WLS: variants seen among roughly 807,000 people sequenced by gnomAD.
WLS encodes protein wntless homolog.
A neutral mutation model predicts 62.8 loss-of-function variants in WLS; 23 were observed. The ratio of observed to expected loss-of-function variants is 0.37; its 90% CI spans 0.26 to 0.52. The LOEUF (loss-of-function observed/expected upper bound fraction) is 0.52. Ranked by LOEUF, WLS falls within the 20% of genes least tolerant of loss-of-function variation. The probability of loss-of-function intolerance (pLI) is 0.92; values close to 1 mark genes in which losing one functional copy is unlikely to be tolerated. For synonymous variants in WLS, 246 were observed against 244.1 expected (o/e 1.01, Z -0.07); for missense variants, 615 against 697.3 (o/e 0.88, Z 1.33).
chr1:68,178,756 G>A (rs1423778060), intron 2 of WLS, among the ~76,000 whole-genome samples: 1 of 151,562 alleles, frequency 6.6e-6, no homozygotes, highest in Non-Finnish European at 1.5e-5. Context: ...AGAGGGTTAT[G>A]ATGGTTTCTG....
chr1:68,189,205 C>A (rs1202632314), intron 2 of WLS, among the ~76,000 whole-genome samples: 1 of 152,094 alleles, frequency 6.6e-6, no homozygotes, highest in African/African-American at 2.4e-5. Flanking sequence ...TACTTGTGTG[C>A]AAGTCATCCT....
At chr1:68,100,252 C>T (rs1646059619) in intron 11 of WLS, among the ~76,000 whole-genome samples, 1 of 152,162 alleles carries the variant, frequency 6.6e-6, no homozygotes, top group Non-Finnish European at 1.5e-5. Flanking sequence ...GATCCTGGTC[C>T]CCTGGTTCTT....
intron 11 of WLS, among the ~76,000 whole-genome samples, chr1:68,116,855 GCTGTGGA>G (rs138364960): frequency 0.012 from 1,774 of 152,280 alleles, 26 homozygotes; most frequent in African/African-American, 0.04. Flanking sequence ...GCAGCAAATA[GCTGTGGA>G]CTGATTAATT....
chr1:68,148,541 T>A lies in WLS; in HGVS notation c.1070+22A>T, dbSNP rs370130215. 4.7e-5 allele frequency: 76 copies of A among 1,612,036 alleles called. No homozygotes were observed. In the African/African-American group the frequency reaches 9.5e-4, roughly 20 times the overall value. ...CGTGGTGATGCACAGTTTGGCTCAG[T>A]GTCCCACAAACACTTGCTCACCTCT... On this transcript the variant is annotated intron_variant, in intron 7 of 11. Transcript: ENST00000262348.
chr1:68,169,707 T>C (rs2566755), intron 2 of WLS, among the ~76,000 whole-genome samples: 29,212 of 152,216 alleles, frequency 0.19, 2,927 homozygotes, highest in South Asian at 0.25. Context: ...ACACCTGCCC[T>C]GTTCCTGTCT....
intron 11 of WLS, among the ~76,000 whole-genome samples, chr1:68,134,218 T>C (rs2772283): frequency 0.62 from 94,524 of 152,060 alleles, 29,748 homozygotes; most frequent in Non-Finnish European, 0.68. Context: ...TCTTGGCAAA[T>C]GCTCCGTAAT....
Position 68,106,767 on chromosome 1 carries a change from G to C in WLS, c.1511-8014C>G, listed in dbSNP as rs546129803. Among the ~76,000 whole-genome samples, 66 of 151,446 alleles carry C rather than the reference G, an allele frequency of 4.4e-4. 1 individual carries two copies. The highest frequency in any genetic ancestry group is 6.6e-4 in the Admixed American group (10 of 15,236). ...GTGTGTGTGTATGTGTGGGTAGGTG[G>C]GTGGGTGAGTATAGAGGCTACTGGT... On this transcript the variant is annotated intron_variant, in intron 11 of 11. Transcript: ENST00000354777.
intron 2 of WLS, among the ~76,000 whole-genome samples, chr1:68,180,191 C>T (rs1427781149): frequency 4.0e-5 from 6 of 151,740 alleles, no homozygotes; most frequent in Admixed American, 3.9e-4. Context: ...TGACCACTAC[C>T]AGTAACAGGC....
intron 3 of WLS, among the ~76,000 whole-genome samples, chr1:68,157,030 C>T (rs181652450): frequency 4.6e-5 from 7 of 152,292 alleles, no homozygotes; most frequent in African/African-American, 1.7e-4. Flanking sequence ...GTGTGTGTCT[C>T]GCCCAGGGTC....
intron 1 of WLS, among the ~76,000 whole-genome samples, chr1:68,198,524 C>T (rs12031511): frequency 1.3e-5 from 2 of 152,144 alleles, no homozygotes; most frequent in East Asian, 1.9e-4. Context: ...ACAAACACAA[C>T]CTGAAGTCTC....
At chr1:68,134,789 C>A (rs1017479052) in intron 11 of WLS, among the ~76,000 whole-genome samples, 15 of 152,336 alleles carry the variant, frequency 9.8e-5, no homozygotes, top group African/African-American at 3.1e-4. Context: ...TGATGAAAAA[C>A]TCTGTTGAGG....
At chr1:68,116,379 T>G (rs1045718769) in intron 11 of WLS, among the ~76,000 whole-genome samples, 27 of 152,192 alleles carry the variant, frequency 1.8e-4, no homozygotes, top group African/African-American at 6.0e-4. Context: ...GTGTTTTTGC[T>G]TTTCCATCTA....
intron 11 of WLS, among the ~76,000 whole-genome samples, chr1:68,110,007 TA>T (rs11290966): frequency 0.011 from 314 of 28,430 alleles, 1 homozygote; most frequent in African/African-American, 0.037. Flanking sequence ...ACACAAAAAG[TA>T]AAAAAAAAAA....
In WLS at chr1:68,110,007, T is replaced by TAAAAAAAAAAAAAAAAAAAAAAA. The variant is rs11290966; in HGVS notation, c.1511-11277_1511-11255dup. ...TTGCACTGGAACACAACACAAAAAG[T>TAAAAAAAAAAAAAAAAAAAAAAA]AAAAAAAAAAAAAAAAAAAAAAAAA... On this transcript the variant is annotated intron_variant, in intron 11 of 11. Coordinates refer to the WLS transcript ENST00000354777. 2.1e-4 allele frequency among the ~76,000 whole-genome samples: 6 copies of TAAAAAAAAAAAAAAAAAAAAAAA among 28,436 alleles called. 1 individual carries two copies. Among genetic ancestry groups the TAAAAAAAAAAAAAAAAAAAAAAA allele is most frequent in the African/African-American group, 6.5e-4 (4 of 6,178 alleles). The allele number at this position is 28,436 out of a possible 152,430, so 18.7% of individuals were successfully genotyped here.
chr1:68,143,842 T>G (rs1338557525), intron 10 of WLS, among the ~76,000 whole-genome samples: 1 of 152,188 alleles, frequency 6.6e-6, no homozygotes, highest in African/African-American at 2.4e-5. Flanking sequence ...GATAAGAAAA[T>G]TAAACCTTAG....
chr1:68,193,987 A>C lies in WLS; in HGVS notation c.347T>G (p.Leu116Arg). The part of the protein sequence containing the change: ...WFQFMLFILQ[L>R]DIAFKLNNQI... ...GTTGTTTAGCTTGAAGGCAATGTCC[A>C]GCTGCAGGATAAACAGCATGAATTG... The change falls in exon 2 of 12, where the codon CTG (leucine) becomes CGG (arginine). Residue 116 changes from leucine (L) to arginine (R), a missense_variant. By Grantham distance (102) the Leu-to-Arg change is moderately radical (BLOSUM62 -2). Coordinates refer to ENST00000262348, the MANE Select transcript of WLS (RefSeq NM_024911.7). The C allele has an allele frequency of 6.8e-6, 11 of 1,614,198 alleles. No homozygotes were observed. The highest frequency in any genetic ancestry group is 9.3e-6 in the Non-Finnish European group (11 of 1,180,014).
intron 6 of WLS, among the ~76,000 whole-genome samples, chr1:68,148,987 A>T (rs1646790038): frequency 6.6e-6 from 1 of 152,212 alleles, no homozygotes; most frequent in South Asian, 2.1e-4. Context: ...CTCATTCTGA[A>T]TTAAATTTCT....
chr1:68,206,899 T>C (rs1442737056), intron 1 of WLS, among the ~76,000 whole-genome samples: 1 of 152,226 alleles, frequency 6.6e-6, no homozygotes, highest in Non-Finnish European at 1.5e-5. Context: ...GGTCAATTTA[T>C]ATTCCAAGAG....
At chr1:68,223,436 A>C (rs1650020354) in intron 1 of WLS, among the ~76,000 whole-genome samples, 1 of 152,044 alleles carries the variant, frequency 6.6e-6, no homozygotes, top group Non-Finnish European at 1.5e-5. Context: ...CAGATCTACA[A>C]ATCTGTAGGT....
Sources: gnomAD v4.1 joint callset for allele counts (sites outside exome capture counted in the v4.1 genomes callset) on GRCh38, gnomAD v4.1.1 for gene constraint, MANE v1.5 for transcripts, NCBI Gene and HGNC (gene_info 2026-07-23, HGNC 2026-07-21) for gene names.